TP73: variants seen among roughly 807,000 people sequenced by gnomAD.
TP73 encodes p53-like transcription factor.
A neutral mutation model predicts 62.5 loss-of-function variants in TP73; 25 were observed. The observed-to-expected ratio is 0.40, with a 90% CI of 0.29 to 0.56. The LOEUF is 0.56. TP73 is among the 20% of genes least tolerant of loss of function. The probability of loss-of-function intolerance (pLI) is 0.46; values close to 1 mark genes in which losing one functional copy is unlikely to be tolerated. For missense variants in TP73, 754 were observed against 913.3 expected, an observed-to-expected ratio of 0.83 and a Z score of 2.25; for synonymous variants, 423 against 377.5, an observed-to-expected ratio of 1.12 and a Z score of -1.40.
chr1:3,718,544 C>T (rs1557564143), intron 4 of TP73, among the ~76,000 whole-genome samples: 1 of 151,804 alleles, frequency 6.6e-6, no homozygotes, highest in Non-Finnish European at 1.5e-5. Flanking sequence ...GCCGGGGGTG[C>T]TGGGGCAGGG....
At chr1:3,717,226 A>T (rs1032480363) in intron 4 of TP73, among the ~76,000 whole-genome samples, 1 of 152,172 alleles carries the variant, frequency 6.6e-6, no homozygotes, top group Non-Finnish European at 1.5e-5. Context: ...GGAAATTAGC[A>T]GCCCCCCGCT....
rs1045323630 is a variant in TP73 at position 3,662,065 on chromosome 1, A to T, written c.-34+9424A>T. 4.0e-5 allele frequency: 6 copies of T among 151,244 alleles called. No homozygotes were observed. The highest frequency in any genetic ancestry group is 1.5e-4 in the African/African-American group (6 of 41,194). 9.4% of individuals were successfully genotyped at this position (151,244 alleles called of 1,614,324 possible). A position where few individuals can be genotyped will look rare whatever the true frequency, so the allele number is the denominator to read the frequency against. On this transcript the variant is annotated intron_variant, in intron 1 of 13. Coordinates refer to ENST00000378295, the MANE Select transcript of TP73 (RefSeq NM_005427.4). This position sits in a 1 kb window ranked among gnomAD's most constrained non-coding sequence, Gnocchi z 4.4. Reference sequence around the variant, plus strand: ...CAGAGTGAGACCCTGTCTCAAAAAAAAAAAGAACTAGTTCACACCCATGTT... The same window carrying T: ...CAGAGTGAGACCCTGTCTCAAAAAATAAAAGAACTAGTTCACACCCATGTT...
chr1:3,661,815 A>G (rs1162244384), intron 1 of TP73, among the ~76,000 whole-genome samples: 1 of 147,814 alleles, frequency 6.8e-6, no homozygotes, highest in Non-Finnish European at 1.5e-5. Flanking sequence ...TAATATATGT[A>G]TTATATATAT....
rs990036576 is a variant in TP73, at chr1:3,662,957, A to G, written c.-34+10316A>G. Among the ~76,000 whole-genome samples the G allele has an allele frequency of 6.6e-6, 1 of 152,242 alleles. No individual in the cohort carries two copies. ...ATAAGAGAAACTTGTCTCTGGTCCC[A>G]TGTGTTGCCCTTTGGGCACTGGCAT... On this transcript the variant is annotated intron_variant, in intron 1 of 13. Coordinates refer to ENST00000378295, the MANE Select transcript of TP73 (RefSeq NM_005427.4). This position sits in a 1 kb window ranked among gnomAD's most constrained non-coding sequence, Gnocchi z 4.4.
intron 1 of TP73, among the ~76,000 whole-genome samples, chr1:3,669,872 G>A (rs947882926): frequency 6.6e-6 from 1 of 152,198 alleles, no homozygotes; most frequent in Non-Finnish European, 1.5e-5. Context: ...GAGTGTGTAC[G>A]TGGCAGTGCC....
chr1:3,700,596 A>G (rs1639078017), intron 3 of TP73, among the ~76,000 whole-genome samples: 1 of 152,194 alleles, frequency 6.6e-6, no homozygotes, highest in Non-Finnish European at 1.5e-5. Context: ...CAGGAGTTCG[A>G]GACCAGCCTG....
intron 4 of TP73, among the ~76,000 whole-genome samples, chr1:3,719,344 G>A (rs980104073): frequency 2.0e-5 from 3 of 152,196 alleles, no homozygotes; most frequent in Non-Finnish European, 2.9e-5. Context: ...TGGGCAGCTC[G>A]CCCTGCAGGC....
intron 6 of TP73, among the ~76,000 whole-genome samples, chr1:3,723,987 G>A (rs1052916001): frequency 3.9e-5 from 6 of 152,230 alleles, no homozygotes; most frequent in South Asian, 4.1e-4. Flanking sequence ...GCTGAGGCTG[G>A]TCAGCAGGGT....
chr1:3,692,684 CA>C (rs1445077381), intron 3 of TP73, among the ~76,000 whole-genome samples: 10 of 152,122 alleles, frequency 6.6e-5, no homozygotes, highest in Non-Finnish European at 1.5e-4. Context: ...GTGGAGAGGC[CA>C]GTGTCGCTGC....
rs775586833 is a variant in TP73 at position 3,732,941 on chromosome 1, C to T, written c.1773C>T (p.Arg591=). 2.9e-5 allele frequency: 47 copies of T among 1,609,724 alleles called. No homozygotes were observed. Among genetic ancestry groups the T allele is most frequent in the Non-Finnish European group, 4.0e-5 (47 of 1,179,350 alleles). ...TGGAGGCCGTGCACTTCCGCGTGCGCCACACCATCACCATCCCCAACCGCG... is the reference window on the plus strand; with the variant it reads ...TGGAGGCCGTGCACTTCCGCGTGCGTCACACCATCACCATCCCCAACCGCG... The part of the protein sequence containing the change: ...RVMEAVHFRV[R]HTITIPNRGG... The change falls in exon 14 of 14, where the codon CGC becomes CGT. Residue 591 remains arginine (R), a synonymous_variant. Transcript: ENST00000378295.
intron 3 of TP73, among the ~76,000 whole-genome samples, chr1:3,703,531 G>T (rs528726267): frequency 2.0e-5 from 3 of 152,370 alleles, no homozygotes; most frequent in East Asian, 3.9e-4. Context: ...GCTCACTCCC[G>T]CTGGGCTGTG....
At position 3,670,956 on chromosome 1, in the gene TP73, AT is replaced by A. The variant is rs1197916105; in HGVS notation, c.-33-11376del. 1.3e-5 allele frequency among the ~76,000 whole-genome samples: 2 copies of A among 152,196 alleles called. No homozygotes were observed. Among genetic ancestry groups the A allele is most frequent in the Non-Finnish European group, 2.9e-5 (2 of 68,032 alleles). On this transcript the variant is annotated intron_variant, in intron 1 of 13. Transcript: ENST00000378295. The surrounding 1 kb of genome is among the most constrained non-coding windows in gnomAD (Gnocchi z 5.9). ...AGAGTCAGCATGTGAATGTCTCTCC[AT>A]GCGATGGGTGCTGGGAGGGAGGAGC... is the stretch of plus-strand genomic sequence containing the variant.
In TP73 at chr1:3,682,371, C is replaced by A; in HGVS notation, c.6C>A (p.Ala2=). 1 of 1,550,858 alleles carries A rather than the reference C, an allele frequency of 6.4e-7. No individual in the cohort carries two copies. The highest frequency in any genetic ancestry group is 1.9e-5 in the Admixed American group (1 of 53,400). M[A]QSTATSPDGG... ...CGGAGGCCGGCGTGGGGAAGATGGCCCAGTCCACCGCCACCTCCCCTGATG... is the reference window on the plus strand; with the variant it reads ...CGGAGGCCGGCGTGGGGAAGATGGCACAGTCCACCGCCACCTCCCCTGATG... The change falls in exon 2 of 14, where the codon GCC becomes GCA. Residue 2 remains alanine (A), a synonymous_variant. Transcript: ENST00000378295.
At chr1:3,657,060 C>T (rs1644880918) in intron 1 of TP73, among the ~76,000 whole-genome samples, 3 of 152,258 alleles carry the variant, frequency 2.0e-5, no homozygotes, top group African/African-American at 7.2e-5. Flanking sequence ...AAGAAGCGCA[C>T]ATATGATCAC....
rs1570398170 is a variant in TP73 at position 3,672,986 on chromosome 1, A to G, written c.-33-9347A>G. Among the ~76,000 whole-genome samples, 1 of 151,844 alleles carries G rather than the reference A, an allele frequency of 6.6e-6. No individual in the cohort carries two copies. Among genetic ancestry groups the G allele is most frequent in the Non-Finnish European group, 1.5e-5 (1 of 67,976 alleles). ...CTGGGGTGCAGACTTCTCTTCCACC[A>G]CCCACCCTCCTCATACCCAGCCTCT... On this transcript the variant is annotated intron_variant, in intron 1 of 13. Coordinates refer to ENST00000378295, the MANE Select transcript of TP73 (RefSeq NM_005427.4). This position sits in a 1 kb window ranked among gnomAD's most constrained non-coding sequence, Gnocchi z 5.3.
rs552432293 is a variant in TP73 at position 3,674,889 on chromosome 1, G to A, written c.-33-7444G>A. Among the ~76,000 whole-genome samples, 4 of 152,356 alleles carry A rather than the reference G, an allele frequency of 2.6e-5. No homozygotes were observed. In the East Asian group the frequency reaches 7.7e-4, roughly 29 times the overall value. On this transcript the variant is annotated intron_variant, in intron 1 of 13. Coordinates refer to ENST00000378295, the MANE Select transcript of TP73 (RefSeq NM_005427.4). The stretch of plus-strand genomic sequence containing the variant: ...AGCCTGCCTGGCTTCATTCTGGTGC[G>A]CTGACCGCCCGACCCCTCTGCCCAG...
At position 3,696,168 on chromosome 1, in the gene TP73, C is replaced by T. The variant is rs1638640420; in HGVS notation, c.187-11381C>T. Among the ~76,000 whole-genome samples the T allele has an allele frequency of 6.6e-6, 1 of 152,136 alleles. No homozygotes were observed. The highest frequency in any genetic ancestry group is 2.4e-5 in the African/African-American group (1 of 41,432). ...AGTGTGACCACCTGGTGGCTCAGTC[C>T]TGTGTGCATCAGAGGAGGTGGTGGG... On this transcript the variant is annotated intron_variant, in intron 3 of 13. Coordinates refer to ENST00000378295, the MANE Select transcript of TP73 (RefSeq NM_005427.4). This position sits in a 1 kb window ranked among gnomAD's most constrained non-coding sequence, Gnocchi z 4.1.
At chr1:3,677,553 G>A (rs1316098950) in intron 1 of TP73, among the ~76,000 whole-genome samples, 2 of 152,238 alleles carry the variant, frequency 1.3e-5, no homozygotes, top group Non-Finnish European at 1.5e-5. Flanking sequence ...GGCTGGGGGG[G>A]TGCCGGCCAG....
At position 3,670,806 on chromosome 1, in the gene TP73, C is replaced by A. The variant is rs973700680; in HGVS notation, c.-33-11527C>A. On this transcript the variant is annotated intron_variant, in intron 1 of 13. Coordinates refer to ENST00000378295, the MANE Select transcript of TP73 (RefSeq NM_005427.4). This position sits in a 1 kb window ranked among gnomAD's most constrained non-coding sequence, Gnocchi z 5.9. Reference sequence around the variant, plus strand: ...TCCTGTCCTGACCTGACCTGCTGGGCCCCGCCCGCTCAAACCAAATCATGG... The same window carrying A: ...TCCTGTCCTGACCTGACCTGCTGGGACCCGCCCGCTCAAACCAAATCATGG... 6.6e-6 allele frequency among the ~76,000 whole-genome samples: 1 copy of A among 152,234 alleles called. No homozygotes were observed.
Sources: allele counts gnomAD v4.1 joint callset (sites outside exome capture counted in the v4.1 genomes callset), GRCh38; gene constraint gnomAD v4.1.1; non-coding constraint Gnocchi (gnomAD v3.1); transcripts MANE v1.5; gene names NCBI Gene and HGNC (gene_info 2026-07-23, HGNC 2026-07-21).